CRACR2A: variants seen among roughly 807,000 people sequenced by gnomAD.
The protein encoded by CRACR2A is calcium release activated channel regulator 2A, also known as EF-hand calcium-binding domain-containing protein 4B.
CRACR2A carries 79 observed loss-of-function variants against 90.5 expected under a neutral mutation model. The ratio of observed to expected loss-of-function variants is 0.87; its 90% CI spans 0.73 to 1.05. The LOEUF (loss-of-function observed/expected upper bound fraction) is 1.05. Among genes scored for constraint, CRACR2A ranks in the 50% least tolerant of loss-of-function variants. CRACR2A has a pLI of 0.00. For missense variants in CRACR2A, 823 were observed against 897.2 expected (o/e 0.92, Z 1.06); for synonymous variants, 338 against 356.7 (o/e 0.95, Z 0.59).
At chr12:3,726,213 T>C (rs1377224782) in intron 2 of CRACR2A, 1 of 139,920 alleles carries the variant, frequency 7.1e-6, no homozygotes, top group East Asian at 2.0e-4. Flanking sequence ...TATATACGTA[T>C]ATACACAGAG....
chr12:3,745,828 A>AATAAAATAAAATAAAAT (rs10629185), intron 1 of CRACR2A, among the ~76,000 whole-genome samples: 5 of 144,060 alleles, frequency 3.5e-5, no homozygotes, highest in East Asian at 2.0e-4. Context: ...AATAAAATAA[A>AATAAAATAAAATAAAAT]GAAAGAAAAG....
intron 2 of CRACR2A, among the ~76,000 whole-genome samples, chr12:3,717,693 G>C (rs61636744): frequency 2.0e-5 from 3 of 151,968 alleles, no homozygotes; most frequent in Non-Finnish European, 4.4e-5. Flanking sequence ...ATTATTATAC[G>C]GCTTTCAAAG....
chr12:3,618,963 G>T (rs1288931276), intron 18 of CRACR2A, among the ~76,000 whole-genome samples: 1 of 152,178 alleles, frequency 6.6e-6, no homozygotes, highest in East Asian at 1.9e-4. Flanking sequence ...ATTGGAGGGG[G>T]ATTGAAATAA....
chr12:3,743,857 C>T (rs1187695342), intron 1 of CRACR2A, among the ~76,000 whole-genome samples: 1 of 152,156 alleles, frequency 6.6e-6, no homozygotes, highest in Non-Finnish European at 1.5e-5. Flanking sequence ...ACAGTAGGGG[C>T]TTGCAGTCCA....
At chr12:3,643,152 C>CATGT (rs57342177) in intron 12 of CRACR2A, among the ~76,000 whole-genome samples, 16,251 of 152,204 alleles carry the variant, frequency 0.11, 1,011 homozygotes, top group Non-Finnish European at 0.14. Flanking sequence ...ATCAAACAAA[C>CATGT]ATGTGTAGGC....
intron 1 of CRACR2A, among the ~76,000 whole-genome samples, chr12:3,739,930 C>CAAAA (rs11406842): frequency 2.1e-5 from 3 of 144,258 alleles, no homozygotes; most frequent in Non-Finnish European, 3.0e-5. Context: ...GACTCCGTCT[C>CAAAA]AAAAAAAAAA....
At chr12:3,734,952 C>T (rs1166432012) in intron 1 of CRACR2A, among the ~76,000 whole-genome samples, 1 of 152,116 alleles carries the variant, frequency 6.6e-6, no homozygotes, top group Non-Finnish European at 1.5e-5. Context: ...ATCTAATGTA[C>T]AGCATGATGA....
intron 1 of CRACR2A, among the ~76,000 whole-genome samples, chr12:3,737,705 GA>G (rs1488506481): frequency 6.6e-6 from 1 of 152,106 alleles, no homozygotes; most frequent in Non-Finnish European, 1.5e-5. Context: ...TAAGTGGGGG[GA>G]AGGAGCAGTT....
chr12:3,693,237 C>G (rs1945679550), intron 4 of CRACR2A, among the ~76,000 whole-genome samples: 1 of 152,216 alleles, frequency 6.6e-6, no homozygotes, highest in Non-Finnish European at 1.5e-5. Flanking sequence ...GGCTGCCCTA[C>G]TGGAGCTCTC....
intron 2 of CRACR2A, among the ~76,000 whole-genome samples, chr12:3,719,616 G>C (rs1946127572): frequency 6.6e-6 from 1 of 152,076 alleles, no homozygotes; most frequent in Non-Finnish European, 1.5e-5. Flanking sequence ...CTCTTTCCTT[G>C]ATCTGGTAAT....
intron 1 of CRACR2A, among the ~76,000 whole-genome samples, chr12:3,744,639 G>C (rs1269382655): frequency 2.6e-5 from 4 of 152,206 alleles, no homozygotes; most frequent in African/African-American, 9.7e-5. Flanking sequence ...GCCCACAGGA[G>C]GGCAGTCTCA....
At chr12:3,698,891 G>A (rs964008717) in intron 3 of CRACR2A, among the ~76,000 whole-genome samples, 19 of 152,162 alleles carry the variant, frequency 1.2e-4, no homozygotes, top group Admixed American at 1.3e-4. Flanking sequence ...ACAGGCTGTT[G>A]TCTTCCTGGT....
intron 3 of CRACR2A, among the ~76,000 whole-genome samples, chr12:3,702,593 A>C (rs1945850683): frequency 6.6e-6 from 1 of 152,226 alleles, no homozygotes; most frequent in Non-Finnish European, 1.5e-5. Context: ...AGGATGTCTA[A>C]TACTTATACA....
chr12:3,694,363 T>G (rs1364904654), intron 4 of CRACR2A, among the ~76,000 whole-genome samples: 1 of 152,238 alleles, frequency 6.6e-6, no homozygotes, highest in Non-Finnish European at 1.5e-5. Flanking sequence ...CTCTCCTTCC[T>G]TGAAGACCAC....
intron 7 of CRACR2A, 92 bp downstream of exon 7, chr12:3,673,354 G>A (rs752996024): frequency 8.9e-5 from 132 of 1,475,434 alleles, no homozygotes; most frequent in Middle Eastern, 3.7e-4. Flanking sequence ...GGCATTGCAC[G>A]ATGTTTTGGC....
chr12:3,677,588 C>A lies in CRACR2A; in HGVS notation c.524+1327G>T, dbSNP rs142739150. On this transcript the variant is annotated intron_variant, in intron 6 of 19. Coordinates refer to ENST00000440314, the MANE Select transcript of CRACR2A (RefSeq NM_001144958.2). ...GCTCACCTGCACTGCCTTCTCCTTC[C>A]CCCTTCTCCAGGAGGAGGTGTCACA... is the stretch of plus-strand genomic sequence containing the variant. 7.9e-5 allele frequency among the ~76,000 whole-genome samples: 12 copies of A among 152,334 alleles called. No individual in the cohort carries two copies. The East Asian group carries it at 2.3e-3, about 29-fold the overall frequency.
At chr12:3,617,125 C>T (rs920479439) in intron 18 of CRACR2A, 95 bp from the exon 19 acceptor site, 2 of 876,106 alleles carry the variant, frequency 2.3e-6, no homozygotes, top group African/African-American at 3.3e-5. Flanking sequence ...TACCTACAGC[C>T]TTCACTTCCT....
chr12:3,724,249 T>A (rs1193448079), intron 2 of CRACR2A, among the ~76,000 whole-genome samples: 1 of 152,154 alleles, frequency 6.6e-6, no homozygotes, highest in Non-Finnish European at 1.5e-5. Flanking sequence ...AAACAACACC[T>A]GGGAAATGCA....
chr12:3,688,177 A>G (rs975883326), intron 4 of CRACR2A, among the ~76,000 whole-genome samples: 1 of 152,158 alleles, frequency 6.6e-6, no homozygotes, highest in African/African-American at 2.4e-5. Context: ...TGCTGTGCAG[A>G]AGCTCTTTAG....
Sources: gnomAD v4.1 joint callset for allele counts (sites outside exome capture counted in the v4.1 genomes callset) on GRCh38, gnomAD v4.1.1 for gene constraint, MANE v1.5 for transcripts, NCBI Gene and HGNC (gene_info 2026-07-23, HGNC 2026-07-21) for gene names.